Variants in RUFY3 observed in about 807,000 individuals in gnomAD.
RUFY3 encodes RUN and FYVE domain containing 3.
Under a neutral mutation model 84.0 loss-of-function variants are expected in RUFY3, and 34 were observed. That is an observed-to-expected ratio of 0.40 (90% CI 0.31 to 0.54). RUFY3 has a LOEUF of 0.54. Ranked by LOEUF, RUFY3 falls within the 20% of genes least tolerant of loss-of-function variation. The probability of loss-of-function intolerance (pLI) is 0.39; values close to 1 mark genes in which losing one functional copy is unlikely to be tolerated. For missense variants in RUFY3, 507 were observed against 736.8 expected, an observed-to-expected ratio of 0.69 and a Z score of 3.61; for synonymous variants, 242 against 252.9, an observed-to-expected ratio of 0.96 and a Z score of 0.41.
intron 1 of RUFY3, among the ~76,000 whole-genome samples, chr4:70,738,614 G>A (rs1019351304): frequency 6.6e-6 from 1 of 151,556 alleles, no homozygotes; most frequent in East Asian, 1.9e-4. Context: ...TGCCCGCCTC[G>A]GCCTCCCAAA....
At chr4:70,778,891 A>T (rs970962465) in intron 8 of RUFY3, among the ~76,000 whole-genome samples, 2 of 152,028 alleles carry the variant, frequency 1.3e-5, no homozygotes, top group Non-Finnish European at 2.9e-5. Context: ...ATAACTCCTT[A>T]TTCTGACTAG....
At chr4:70,732,313 G>T (rs1719399051) in intron 1 of RUFY3, among the ~76,000 whole-genome samples, 1 of 152,074 alleles carries the variant, frequency 6.6e-6, no homozygotes, top group Non-Finnish European at 1.5e-5. Flanking sequence ...CTTTTCTTTG[G>T]CGTTCTTCAG....
intron 1 of RUFY3, among the ~76,000 whole-genome samples, chr4:70,760,669 A>C (rs531392488): frequency 6.6e-6 from 1 of 152,272 alleles, no homozygotes; most frequent in East Asian, 1.9e-4. Context: ...TTCAGGGCAT[A>C]GTTTTCCATG....
At chr4:70,791,661 A>C (rs905796421) in intron 12 of RUFY3, 7 of 1,031,152 alleles carry the variant, frequency 6.8e-6, no homozygotes, top group Non-Finnish European at 8.1e-6. Context: ...ATAATACCAG[A>C]TTCTCGGTGC....
At chr4:70,767,475 G>T (rs1052273572) in intron 4 of RUFY3, among the ~76,000 whole-genome samples, 5 of 151,738 alleles carry the variant, frequency 3.3e-5, no homozygotes, top group Non-Finnish European at 7.4e-5. Flanking sequence ...GGACATCTTG[G>T]TTGCTCCCAA....
intron 1 of RUFY3, among the ~76,000 whole-genome samples, chr4:70,711,639 A>T (rs1005770007): frequency 6.6e-6 from 1 of 152,202 alleles, no homozygotes; most frequent in Non-Finnish European, 1.5e-5. Context: ...GCACCCACCC[A>T]CATACAAACC....
intron 15 of RUFY3, among the ~76,000 whole-genome samples, chr4:70,800,985 A>G (rs1026035308): frequency 6.6e-6 from 1 of 152,128 alleles, no homozygotes; most frequent in Non-Finnish European, 1.5e-5. Context: ...TCATTCCTTT[A>G]TCCTAACTCT....
intron 1 of RUFY3, among the ~76,000 whole-genome samples, chr4:70,732,284 A>G (rs1719395534): frequency 6.6e-6 from 1 of 152,234 alleles, no homozygotes; most frequent in Non-Finnish European, 1.5e-5. Flanking sequence ...AATTATATAG[A>G]AAGTTCTTCA....
intron 8 of RUFY3, among the ~76,000 whole-genome samples, chr4:70,778,915 G>A (rs1728439943): frequency 6.6e-6 from 1 of 152,162 alleles, no homozygotes; most frequent in Admixed American, 6.6e-5. Context: ...GGCCCAGTTG[G>A]CTTATTGCAG....
chr4:70,707,783 C>T (rs962197702), intron 1 of RUFY3, among the ~76,000 whole-genome samples: 6 of 151,044 alleles, frequency 4.0e-5, no homozygotes, highest in Non-Finnish European at 8.8e-5. Flanking sequence ...TTGTTTTGGA[C>T]TGAGTTTTTG....
At chr4:70,712,397 A>G (rs764934288) in intron 1 of RUFY3, among the ~76,000 whole-genome samples, 32 of 152,152 alleles carry the variant, frequency 2.1e-4, no homozygotes, top group Admixed American at 1.9e-3. Flanking sequence ...CCTCACCACC[A>G]AGGTCTTAAA....
intron 16 of RUFY3, among the ~76,000 whole-genome samples, chr4:70,804,089 A>G (rs1732575452): frequency 6.6e-6 from 1 of 152,090 alleles, no homozygotes; most frequent in South Asian, 2.1e-4. Context: ...GGATAGTGTT[A>G]AAACTTTTTA....
Position 70,806,656 on chromosome 4 carries a change from A to C in RUFY3, c.1860A>C (p.Ser620=). Reference sequence around the variant, plus strand: ...TGAAGCAATATTCTACCAGCCCATCATAAGACTGGAGGCCAAGACCTGGAC... The same window carrying C: ...TGAAGCAATATTCTACCAGCCCATCCTAAGACTGGAGGCCAAGACCTGGAC... ...HLMKQYSTSP[S] The change falls in exon 18 of 18, where the codon TCA becomes TCC. Residue 620 remains serine (S), a synonymous_variant. Coordinates refer to ENST00000381006, the MANE Select transcript of RUFY3 (RefSeq NM_001037442.4). The C allele has an allele frequency of 6.2e-7, 1 of 1,614,106 alleles. No individual in the cohort carries two copies. Among genetic ancestry groups the C allele is most frequent in the Non-Finnish European group, 8.5e-7 (1 of 1,179,982 alleles).
intron 1 of RUFY3, among the ~76,000 whole-genome samples, chr4:70,726,710 A>G (rs1441295623): frequency 6.6e-6 from 1 of 152,206 alleles, no homozygotes; most frequent in Non-Finnish European, 1.5e-5. Context: ...CGCCCCACAG[A>G]AGCATTAATC....
intron 1 of RUFY3, chr4:70,734,321 C>T (rs1288084574): frequency 3.9e-6 from 3 of 776,256 alleles, no homozygotes; most frequent in Non-Finnish European, 4.7e-6. Context: ...TTGTTCTTTG[C>T]TTTCACTGTG....
exon 1 of RUFY3, chr4:70,705,070 G>A: frequency 2.3e-6 from 3 of 1,293,298 alleles, no homozygotes; most frequent in Non-Finnish European, 2.9e-6. Flanking sequence ...GGCGAGGCGG[G>A]GCCGCCGCCG....
chr4:70,756,795 G>A (rs1311737478), intron 1 of RUFY3, among the ~76,000 whole-genome samples: 1 of 152,068 alleles, frequency 6.6e-6, no homozygotes, highest in African/African-American at 2.4e-5. Flanking sequence ...AGTTCTTACT[G>A]CAGTGTAGTT....
Position 70,729,478 on chromosome 4 carries a change from G to A in RUFY3, c.178+6727G>A, listed in dbSNP as rs189351513. Among the ~76,000 whole-genome samples the A allele has an allele frequency of 5.5e-4, 84 of 152,102 alleles. 1 individual carries two copies. Among genetic ancestry groups the A allele is most frequent in the African/African-American group, 1.8e-3 (76 of 41,474 alleles). On this transcript the variant is annotated intron_variant, in intron 1 of 17. Coordinates refer to ENST00000381006, the MANE Select transcript of RUFY3 (RefSeq NM_001037442.4). ...TCCCCATGTTGGCCAGGCTGGTCTC[G>A]AACTCCTGACCTCAAGTGATCTGCC...
At chr4:70,787,730 T>C (rs1315492444) in intron 10 of RUFY3, among the ~76,000 whole-genome samples, 4 of 152,186 alleles carry the variant, frequency 2.6e-5, no homozygotes, top group African/African-American at 7.2e-5. Flanking sequence ...TGATTCGTTT[T>C]CTATAATGCT....
Sources: allele counts gnomAD v4.1 joint callset (sites outside exome capture counted in the v4.1 genomes callset), GRCh38; gene constraint gnomAD v4.1.1; transcripts MANE v1.5; gene names NCBI Gene and HGNC (gene_info 2026-07-23, HGNC 2026-07-21).